Variants in VAV2 observed in about 807,000 individuals in gnomAD.
The protein encoded by VAV2 is vav guanine nucleotide exchange factor 2.
In VAV2, 67 loss-of-function variants were observed where a neutral mutation model predicts 132.5. The observed-to-expected ratio is 0.51, with a 90% CI of 0.42 to 0.62. The LOEUF (loss-of-function observed/expected upper bound fraction) is 0.62. VAV2 is among the 20% of genes least tolerant of loss of function. The pLI is 0.00. For missense variants in VAV2, 938 were observed against 1,153.6 expected (o/e 0.81, Z 2.71); for synonymous variants, 492 against 443.5 (o/e 1.11, Z -1.37).
chr9:133,952,287 A>C (rs1036381547), intron 1 of VAV2, among the ~76,000 whole-genome samples: 2 of 152,118 alleles, frequency 1.3e-5, no homozygotes, highest in Non-Finnish European at 2.9e-5. Flanking sequence ...TTGGAAAAAC[A>C]GTGTTTGCAG....
chr9:133,890,273 C>T (rs980062648), intron 2 of VAV2, among the ~76,000 whole-genome samples: 1 of 143,116 alleles, frequency 7.0e-6, no homozygotes, highest in Non-Finnish European at 1.6e-5. Context: ...TCGGCTCCAC[C>T]GCGACCACAC....
chr9:133,776,587 T>C (rs954722628), intron 23 of VAV2, among the ~76,000 whole-genome samples: 1 of 152,006 alleles, frequency 6.6e-6, no homozygotes, highest in Admixed American at 6.5e-5. Flanking sequence ...TCGCACCCTA[T>C]TCACCATGCA....
At position 133,845,225 on chromosome 9, in the gene VAV2, C is replaced by T. The variant is rs1000446258; in HGVS notation, c.381-10885G>A. Among the ~76,000 whole-genome samples, 8 of 152,266 alleles carry T rather than the reference C, an allele frequency of 5.3e-5. No individual in the cohort carries two copies. The East Asian group carries it at 9.6e-4, about 18-fold the overall frequency. ...CCCTGGCCAGAGGCAGAAGCGTGGA[C>T]GCGCTGGGCCAGGCCGGGGACTGAA... On this transcript the variant is annotated intron_variant, in intron 3 of 29. Transcript: ENST00000371850.
chr9:133,973,358 A>G (rs1473736988), intron 1 of VAV2, among the ~76,000 whole-genome samples: 1 of 152,142 alleles, frequency 6.6e-6, no homozygotes, highest in Non-Finnish European at 1.5e-5. Flanking sequence ...CACAACCAGG[A>G]AAGAACAGGC....
At chr9:133,931,332 G>A (rs59272998) in intron 2 of VAV2, among the ~76,000 whole-genome samples, 4,736 of 152,270 alleles carry the variant, frequency 0.031, 224 homozygotes, top group African/African-American at 0.11. Context: ...CAGCAGCGAG[G>A]GGGAGCAAGG....
In VAV2 at chr9:133,937,969, C is replaced by G. The variant is rs570198640; in HGVS notation, c.321+1134G>C. ...GGAGCGAGGAAGGGAAGCGCCAAGC[C>G]TGGTGGCTCCGGGATCGCCCTTGTT... On this transcript the variant is annotated intron_variant, in intron 2 of 29. Transcript: ENST00000371850. Among the ~76,000 whole-genome samples the G allele has an allele frequency of 9.8e-5, 15 of 152,362 alleles. No homozygotes were observed. The South Asian group carries it at 1.9e-3, about 19-fold the overall frequency.
intron 7 of VAV2, 66 bp downstream of exon 7, chr9:133,808,974 G>A: frequency 2.1e-6 from 3 of 1,444,722 alleles, no homozygotes; most frequent in Non-Finnish European, 2.9e-6. Flanking sequence ...ACTCCCAGGA[G>A]ATAGGTGGCC....
Position 133,955,310 on chromosome 9 carries a change from C to A in VAV2, c.205-16091G>T, listed in dbSNP as rs535724335. Among the ~76,000 whole-genome samples, 189 of 152,014 alleles carry A rather than the reference C, an allele frequency of 1.2e-3. 1 individual carries two copies. Among genetic ancestry groups the A allele is most frequent in the African/African-American group, 4.3e-3 (180 of 41,434 alleles). Reference sequence around the variant, plus strand: ...CCAGCCAGGGAGTGTGGCCCCATACCCGATGCCAAGGCGAGGCTCCTGGCT... The same window carrying A: ...CCAGCCAGGGAGTGTGGCCCCATACACGATGCCAAGGCGAGGCTCCTGGCT... On this transcript the variant is annotated intron_variant, in intron 1 of 29. Transcript: ENST00000371850.
chr9:133,988,247 C>G (rs550600786), intron 1 of VAV2, among the ~76,000 whole-genome samples: 1 of 151,222 alleles, frequency 6.6e-6, no homozygotes, highest in East Asian at 1.9e-4. Context: ...CCCCTGCCAC[C>G]CCATGAAAAG....
At chr9:133,847,614 T>C (rs1418831161) in intron 3 of VAV2, among the ~76,000 whole-genome samples, 1 of 152,124 alleles carries the variant, frequency 6.6e-6, no homozygotes, top group Admixed American at 6.6e-5. Flanking sequence ...CCTGGCCCCC[T>C]GACTCCCAGG....
intron 2 of VAV2, among the ~76,000 whole-genome samples, chr9:133,868,423 C>G (rs1380278169): frequency 6.6e-6 from 1 of 152,204 alleles, no homozygotes; most frequent in East Asian, 1.9e-4. Context: ...GCTGAGGCTC[C>G]CTGAGGCTCG....
chr9:133,867,103 C>T lies in VAV2; in HGVS notation c.322-5671G>A, dbSNP rs900269330. On this transcript the variant is annotated intron_variant, in intron 2 of 29. Transcript: ENST00000371850. The stretch of plus-strand genomic sequence containing the variant: ...CCCCTGCAGGGGACACAACACCGCC[C>T]GTGAGTGCCGAGTGAGGACACGGCC... 1.4e-4 allele frequency among the ~76,000 whole-genome samples: 21 copies of T among 152,266 alleles called. 1 individual carries two copies. Among genetic ancestry groups the T allele is most frequent in the African/African-American group, 4.3e-4 (18 of 41,566 alleles).
intron 27 of VAV2, among the ~76,000 whole-genome samples, 181 bp downstream of exon 27, chr9:133,770,197 C>T (rs1833569514): frequency 2.6e-5 from 4 of 152,230 alleles, no homozygotes; most frequent in Admixed American, 2.6e-4. Context: ...CCCCGCCTGT[C>T]ACATGGCCCA....
At chr9:133,843,024 A>C (rs1836786644) in intron 3 of VAV2, among the ~76,000 whole-genome samples, 1 of 152,202 alleles carries the variant, frequency 6.6e-6, no homozygotes, top group Non-Finnish European at 1.5e-5. Context: ...TCTCCTGCTA[A>C]ACAGCTCCAA....
At chr9:133,942,164 AGATT>A (rs1326003069) in intron 1 of VAV2, among the ~76,000 whole-genome samples, 1 of 152,224 alleles carries the variant, frequency 6.6e-6, no homozygotes, top group African/African-American at 2.4e-5. Flanking sequence ...CACAATACAA[AGATT>A]AATTAGAAGA....
At chr9:133,905,068 T>C (rs1839592185) in intron 2 of VAV2, among the ~76,000 whole-genome samples, 1 of 152,024 alleles carries the variant, frequency 6.6e-6, no homozygotes, top group South Asian at 2.1e-4. Context: ...GGCGGGGGGC[T>C]CTGAGCAGCT....
intron 2 of VAV2, among the ~76,000 whole-genome samples, chr9:133,934,377 T>C (rs1322329701): frequency 2.0e-5 from 3 of 152,184 alleles, no homozygotes; most frequent in Non-Finnish European, 4.4e-5. Context: ...AGGTGTCAAC[T>C]TGACTGGATG....
chr9:133,808,879 AG>A (rs1835254845), intron 7 of VAV2, among the ~76,000 whole-genome samples, 160 bp downstream of exon 7: 2 of 152,302 alleles, frequency 1.3e-5, no homozygotes, highest in South Asian at 4.1e-4. Context: ...CCTTTTGGGT[AG>A]GGGGTACCTG....
intron 21 of VAV2, among the ~76,000 whole-genome samples, chr9:133,779,621 C>T (rs1833935382): frequency 1.3e-5 from 2 of 152,228 alleles, no homozygotes; most frequent in Non-Finnish European, 2.9e-5. Context: ...GCCTTTTGAT[C>T]TCAGGTCTCT....
Sources: allele counts gnomAD v4.1 joint callset (sites outside exome capture counted in the v4.1 genomes callset), GRCh38; gene constraint gnomAD v4.1.1; transcripts MANE v1.5; gene names NCBI Gene and HGNC (gene_info 2026-07-23, HGNC 2026-07-21).